The following LRRN2 variants were observed in gnomAD, a reference collection of about 807,000 sequenced individuals.
LRRN2 encodes leucine-rich repeat neuronal protein 2.
In LRRN2, 10 loss-of-function variants were observed where a neutral mutation model predicts 35.7. That is an observed-to-expected ratio of 0.28 (90% CI 0.17 to 0.47). The LOEUF is 0.47. Among genes scored for constraint, LRRN2 ranks in the 20% least tolerant of loss-of-function variants. LRRN2 has a pLI of 0.99. For missense variants in LRRN2, 731 were observed against 940.3 expected, an observed-to-expected ratio of 0.78 and a Z score of 2.91; for synonymous variants, 391 against 409.6, an observed-to-expected ratio of 0.95 and a Z score of 0.55.
intron 1 of LRRN2, among the ~76,000 whole-genome samples, chr1:204,635,920 C>T (rs1056158919): frequency 1.3e-5 from 2 of 152,210 alleles, no homozygotes; most frequent in African/African-American, 4.8e-5. Flanking sequence ...GTTGGCACAT[C>T]GCCCTCACAG....
chr1:204,674,275 C>T (rs1034554960), intron 1 of LRRN2, among the ~76,000 whole-genome samples: 4 of 151,848 alleles, frequency 2.6e-5, no homozygotes, highest in African/African-American at 9.7e-5. Flanking sequence ...CACCCCCCAC[C>T]ACCAACTGCC....
chr1:204,627,837 G>T (rs987924140), intron 1 of LRRN2, among the ~76,000 whole-genome samples: 2 of 152,154 alleles, frequency 1.3e-5, no homozygotes, highest in Non-Finnish European at 1.5e-5. Flanking sequence ...CTGTCTCCCC[G>T]ACCAGACTGT....
Position 204,674,394 on chromosome 1 carries a change from A to G in LRRN2, c.-227+10926T>C, listed in dbSNP as rs186546905. 1.7e-4 allele frequency among the ~76,000 whole-genome samples: 26 copies of G among 152,126 alleles called. No homozygotes were observed. The East Asian group carries it at 4.6e-3, about 27-fold the overall frequency. ...TGCCAATAAGTCATTAGAAACCAGA[A>G]CGGCAAATGTGAGGTTGCCATGGAG... On this transcript the variant is annotated intron_variant, in intron 1 of 1. Coordinates refer to ENST00000367177, the MANE Select transcript of LRRN2 (RefSeq NM_201630.2).
Position 204,618,216 on chromosome 1 carries a change from A to G in LRRN2, c.1777T>C (p.Tyr593His). ...AAGGCCACTTGCAGGCAGGCCCAGT[A>G]CTCCGTGGCCTGAAGGAGGCGGGTA... Reference protein sequence around the residue: ...NITRLLQATEYWACLQVAFAD... With the variant: ...NITRLLQATEHWACLQVAFAD... The change falls in exon 2 of 2, where the codon TAC becomes CAC. Residue 593 changes from tyrosine to histidine, a missense_variant. Physicochemically the swap from Tyr to His is moderately conservative, Grantham distance 83. Around this residue, in one of 3 missense-constraint regions of LRRN2, gnomAD observed 229 missense variants for 258.4 expected, o/e 0.89. Transcript: ENST00000367177. 1.2e-6 allele frequency: 2 copies of G among 1,613,968 alleles called. No individual in the cohort carries two copies. Among genetic ancestry groups the G allele is most frequent in the Non-Finnish European group, 1.7e-6 (2 of 1,179,982 alleles).
chr1:204,653,876 A>C (rs530646050), intron 1 of LRRN2, among the ~76,000 whole-genome samples: 1 of 150,388 alleles, frequency 6.6e-6, no homozygotes, highest in African/African-American at 2.5e-5. Flanking sequence ...AAAAAAAAAA[A>C]GAAAAACTAT....
chr1:204,652,201 G>T (rs2480468), intron 1 of LRRN2, among the ~76,000 whole-genome samples: 1 of 150,902 alleles, frequency 6.6e-6, no homozygotes, highest in Non-Finnish European at 1.5e-5. Flanking sequence ...ACGGAAAAAC[G>T]GAGATGGGCC....
In LRRN2 at chr1:204,618,057, GCC is replaced by G. The variant is rs1666494405; in HGVS notation, c.1934_1935del (p.Gly645AlafsTer143). The G allele has an allele frequency of 6.2e-7, 1 of 1,613,674 alleles. No homozygotes were observed. Among genetic ancestry groups the G allele is most frequent in the African/African-American group, 1.3e-5 (1 of 75,072 alleles). ...TGGCCTGTGCCAAGGTGGGCCGCTA[GCC>G]CAGCTGCCAGGAGAAGGACAGCGAG... ...LALAVLLLAA[G>X]LAAHLGTGQP... On this transcript the variant is annotated frameshift_variant, in exon 2 of 2. Transcript: ENST00000367177. LOFTEE classifies it low-confidence loss of function (END_TRUNC).
At chr1:204,639,592 A>G (rs1667934579) in intron 1 of LRRN2, among the ~76,000 whole-genome samples, 1 of 152,224 alleles carries the variant, frequency 6.6e-6, no homozygotes, top group Non-Finnish European at 1.5e-5. Context: ...TGAGCTAAGA[A>G]TGCACCATCG....
At chr1:204,672,872 T>C (rs1668743057) in intron 1 of LRRN2, among the ~76,000 whole-genome samples, 1 of 152,170 alleles carries the variant, frequency 6.6e-6, no homozygotes, top group Non-Finnish European at 1.5e-5. Flanking sequence ...ATCATCCGCT[T>C]CATCCAGCTC....
intron 1 of LRRN2, among the ~76,000 whole-genome samples, chr1:204,674,181 T>C (rs1668772127): frequency 6.6e-6 from 1 of 151,966 alleles, no homozygotes; most frequent in Non-Finnish European, 1.5e-5. Context: ...CTGAAGCAGC[T>C]CCCTTACTTT....
At chr1:204,633,834 T>C (rs1202523212) in intron 1 of LRRN2, among the ~76,000 whole-genome samples, 1 of 152,244 alleles carries the variant, frequency 6.6e-6, no homozygotes, top group South Asian at 2.1e-4. Context: ...CCGTTGGGCC[T>C]GGGCCAACCC....
chr1:204,618,823 G>C lies in LRRN2; in HGVS notation c.1170C>G (p.Ile390Met), dbSNP rs368126022. The C allele has an allele frequency of 6.2e-7, 1 of 1,614,088 alleles. No individual in the cohort carries two copies. Among genetic ancestry groups the C allele is most frequent in the Non-Finnish European group, 8.5e-7 (1 of 1,180,014 alleles). The change falls in exon 2 of 2, where the codon ATC (isoleucine) becomes ATG (methionine). Residue 390 changes from isoleucine to methionine, a missense_variant. Ile to Met is a conservative substitution (Grantham distance 10, BLOSUM62 1). Around this residue, in one of 3 missense-constraint regions of LRRN2, gnomAD observed 256 missense variants for 392.4 expected, o/e 0.65. Coordinates refer to ENST00000367177, the MANE Select transcript of LRRN2 (RefSeq NM_201630.2). ...CCGCACACAGGGTGGATTGCGGCTC[G>C]ATGAAGCGGACACGGGTGCCCGTGG... is the stretch of plus-strand genomic sequence containing the variant. ...ANATGTRVRFIEPQSTLCAEP... is the reference protein window; with the variant it reads ...ANATGTRVRFMEPQSTLCAEP...
chr1:204,666,519 C>T (rs533216385), intron 1 of LRRN2, among the ~76,000 whole-genome samples: 9 of 152,312 alleles, frequency 5.9e-5, no homozygotes, highest in East Asian at 1.9e-4. Context: ...ACTTGCAAAA[C>T]GAGGTAATGC....
At chr1:204,631,916 C>T (rs763214244) in intron 1 of LRRN2, among the ~76,000 whole-genome samples, 1 of 152,114 alleles carries the variant, frequency 6.6e-6, no homozygotes. Flanking sequence ...AGAGGCCAGC[C>T]AAAGGAGGCA....
chr1:204,684,900 C>G (rs2102249307), intron 1 of LRRN2, among the ~76,000 whole-genome samples: 1 of 152,324 alleles, frequency 6.6e-6, no homozygotes, highest in Non-Finnish European at 1.5e-5. Flanking sequence ...CCAGTCCGCC[C>G]GTGTCACGCC....
Position 204,632,885 on chromosome 1 carries a change from GACC to G in LRRN2, c.-226-12670_-226-12668del, listed in dbSNP as rs1303387753. 6.7e-4 allele frequency among the ~76,000 whole-genome samples: 100 copies of G among 149,960 alleles called. 1 individual carries two copies. Among genetic ancestry groups the G allele is most frequent in the Middle Eastern group, 3.4e-3 (1 of 290 alleles). On this transcript the variant is annotated intron_variant, in intron 1 of 1. Coordinates refer to ENST00000367177, the MANE Select transcript of LRRN2 (RefSeq NM_201630.2). ...GGAGGTGGAGCTTGCAGTGAGTCGA[GACC>G]ACATCACTGCACTCCAGCCTGGGCG...
intron 1 of LRRN2, among the ~76,000 whole-genome samples, chr1:204,625,317 G>C (rs578260112): frequency 1.6e-4 from 24 of 152,310 alleles, no homozygotes; most frequent in African/African-American, 4.8e-4. Flanking sequence ...AGTTCCCTCT[G>C]TTGCTTCCCA....
At chr1:204,684,138 A>G (rs1669015506) in intron 1 of LRRN2, among the ~76,000 whole-genome samples, 2 of 152,118 alleles carry the variant, frequency 1.3e-5, no homozygotes. Context: ...GGGGAGACCT[A>G]CATCTTCCCC....
Position 204,618,524 on chromosome 1 carries a change from T to C in LRRN2, c.1469A>G (p.Glu490Gly). Residue 490 changes from glutamate to glycine, a missense_variant, in exon 2 of 2, where the codon GAA becomes GGA. Physicochemically the swap from Glu to Gly is moderately conservative, Grantham distance 98. This residue lies in a region of LRRN2 where 256 missense variants were observed against 392.4 expected (regional missense o/e 0.65). Transcript: ENST00000367177. ...GTLELRRVTA[E>G]EAGLYTCVAQ... ...CACACAGGTGTATAGCCCTGCCTCT[T>C]CTGCTGTCACCCTCCGCAGCTCCAG... is the stretch of plus-strand genomic sequence containing the variant. 1.9e-6 allele frequency: 3 copies of C among 1,614,200 alleles called. No homozygotes were observed. Among genetic ancestry groups the C allele is most frequent in the Non-Finnish European group, 2.5e-6 (3 of 1,180,024 alleles).
Sources: gnomAD v4.1 joint callset for allele counts (sites outside exome capture counted in the v4.1 genomes callset) on GRCh38, gnomAD v4.1.1 for gene constraint, gnomAD v4.1.1 regional missense constraint, MANE v1.5 for transcripts, NCBI Gene and HGNC (gene_info 2026-07-23, HGNC 2026-07-21) for gene names.